The following RNLS variants were observed in gnomAD, a reference collection of about 807,000 sequenced individuals.
RNLS encodes the protein renalase, FAD dependent amine oxidase.
In RNLS, 39 loss-of-function variants were observed where a neutral mutation model predicts 39.8. That is an observed-to-expected ratio of 0.98 (90% CI 0.76 to 1.28). RNLS has a LOEUF of 1.28. Among genes scored for constraint, RNLS ranks in the 50% most tolerant of loss-of-function variants. The pLI is 0.00. For synonymous variants in RNLS, 147 were observed against 150.7 expected (o/e 0.98, Z 0.18); for missense variants, 410 against 413.3 (o/e 0.99, Z 0.07).
downstream of RNLS, among the ~76,000 whole-genome samples, chr10:88,281,669 A>C (rs1843014167): frequency 6.6e-6 from 1 of 152,216 alleles, no homozygotes; most frequent in Non-Finnish European, 1.5e-5. Context: ...AAATTCTTGC[A>C]TCACTTTCGA....
the RNLS span, among the ~76,000 whole-genome samples, chr10:88,255,294 ATTTATTCAC>A: frequency 1.2e-3 from 179 of 152,292 alleles, 1 homozygote; most frequent in Admixed American, 0.01. Context: ...TCACTCATGC[ATTTATTCAC>A]TATCTTTAAC....
rs150733394 is a variant in RNLS at position 88,541,714 on chromosome 10, G to T, written c.526+31189C>A. Among the ~76,000 whole-genome samples the T allele has an allele frequency of 1.4e-3, 208 of 152,246 alleles. 2 individuals carry two copies. Among genetic ancestry groups the T allele is most frequent in the East Asian group, 5.8e-4 (3 of 5,180 alleles). On this transcript the variant is annotated intron_variant, in intron 4 of 6. Coordinates refer to ENST00000331772, the MANE Select transcript of RNLS (RefSeq NM_001031709.3). ...TGGCTCCTTCTTTAGCCTTAAAATT[G>T]GAATATATGTATTCTTGTCTGGGTC...
chr10:88,253,023 C>T, the RNLS span, among the ~76,000 whole-genome samples: 1 of 152,148 alleles, frequency 6.6e-6, no homozygotes, highest in African/African-American at 2.4e-5. Flanking sequence ...AACACTCACT[C>T]AAAGCCCTTA....
At chr10:88,201,403 T>G in the RNLS span, among the ~76,000 whole-genome samples, 1 of 152,204 alleles carries the variant, frequency 6.6e-6, no homozygotes, top group Non-Finnish European at 1.5e-5. Context: ...TTAAAAGGAC[T>G]GGCAGCTTCC....
chr10:88,444,556 G>A (rs1165495060), intron 4 of RNLS, among the ~76,000 whole-genome samples: 1 of 152,122 alleles, frequency 6.6e-6, no homozygotes, highest in African/African-American at 2.4e-5. Flanking sequence ...CCAACGCAAA[G>A]AAGCTAAAAA....
chr10:88,470,138 T>C (rs1843435533), intron 4 of RNLS, among the ~76,000 whole-genome samples: 1 of 152,120 alleles, frequency 6.6e-6, no homozygotes, highest in South Asian at 2.1e-4. Flanking sequence ...ACACAGATTT[T>C]ATTTTTAATT....
chr10:88,539,568 G>T (rs1372980892), intron 4 of RNLS, among the ~76,000 whole-genome samples: 1 of 152,052 alleles, frequency 6.6e-6, no homozygotes, highest in African/African-American at 2.4e-5. Flanking sequence ...CATATAGCAA[G>T]GATGCTACCT....
At chr10:88,187,324 A>C in the RNLS span, among the ~76,000 whole-genome samples, 1 of 151,206 alleles carries the variant, frequency 6.6e-6, no homozygotes, top group South Asian at 2.1e-4. Flanking sequence ...GAGTGTGACA[A>C]ATTAAAAGGG....
chr10:88,553,103 A>G (rs1334649335), intron 4 of RNLS, among the ~76,000 whole-genome samples: 1 of 152,222 alleles, frequency 6.6e-6, no homozygotes, highest in Non-Finnish European at 1.5e-5. Context: ...ACCTACATAC[A>G]GACACATCCA....
At chr10:88,566,951 T>A (rs1404683636) in intron 4 of RNLS, among the ~76,000 whole-genome samples, 1 of 151,462 alleles carries the variant, frequency 6.6e-6, no homozygotes, top group Admixed American at 6.6e-5. Flanking sequence ...ATAAAAAATA[T>A]AAAAGAGATG....
intron 5 of RNLS, among the ~76,000 whole-genome samples, chr10:88,338,978 G>A (rs1401801474): frequency 1.3e-5 from 2 of 152,210 alleles, no homozygotes; most frequent in Middle Eastern, 6.8e-3. Context: ...AGCCAGGATG[G>A]TCTGGATCTC....
the RNLS span, among the ~76,000 whole-genome samples, chr10:88,174,509 G>C: frequency 1.3e-5 from 2 of 152,284 alleles, no homozygotes; most frequent in Admixed American, 6.5e-5. Flanking sequence ...GGCATCTATT[G>C]AGATGATCAT....
intron 5 of RNLS, among the ~76,000 whole-genome samples, chr10:88,357,205 A>G (rs1485928723): frequency 6.6e-6 from 1 of 152,196 alleles, no homozygotes; most frequent in African/African-American, 2.4e-5. Flanking sequence ...ACCCTTTGGT[A>G]TTGGTATGGT....
intron 4 of RNLS, among the ~76,000 whole-genome samples, chr10:88,396,534 T>A (rs1831376021): frequency 6.6e-6 from 1 of 151,172 alleles, no homozygotes; most frequent in Admixed American, 6.6e-5. Flanking sequence ...CTAGAAGAAT[T>A]CTACTTAATA....
intron 4 of RNLS, among the ~76,000 whole-genome samples, chr10:88,422,620 C>T (rs1379887446): frequency 3.3e-5 from 5 of 152,064 alleles, no homozygotes; most frequent in African/African-American, 7.2e-5. Flanking sequence ...GTTGCTATTT[C>T]GTGATTTGGC....
At chr10:88,246,027 C>T in the RNLS span, among the ~76,000 whole-genome samples, 63 of 152,252 alleles carry the variant, frequency 4.1e-4, no homozygotes, top group East Asian at 0.012. Context: ...GAATTGCAAC[C>T]CACATGTGGG....
chr10:88,449,383 C>G (rs186256028), intron 4 of RNLS, among the ~76,000 whole-genome samples: 7 of 152,190 alleles, frequency 4.6e-5, no homozygotes, highest in Admixed American at 2.0e-4. Flanking sequence ...CTCTTTTCCA[C>G]GTGTTTAATT....
chr10:88,353,148 C>A (rs542357883), intron 5 of RNLS, among the ~76,000 whole-genome samples: 6 of 152,270 alleles, frequency 3.9e-5, no homozygotes, highest in Admixed American at 3.3e-4. Context: ...TTTCAAAAAA[C>A]CAGCTCCTGG....
At chr10:88,485,354 G>T (rs1179335083) in intron 4 of RNLS, among the ~76,000 whole-genome samples, 4 of 151,742 alleles carry the variant, frequency 2.6e-5, no homozygotes, top group African/African-American at 9.7e-5. Flanking sequence ...ATTCAGTGGA[G>T]AAAGAAGAGT....
Sources: gnomAD v4.1 joint callset for allele counts (sites outside exome capture counted in the v4.1 genomes callset) on GRCh38, gnomAD v4.1.1 for gene constraint, MANE v1.5 for transcripts, NCBI Gene and HGNC (gene_info 2026-07-23, HGNC 2026-07-21) for gene names.